Variants in CHRM2 observed in about 807,000 individuals in gnomAD.
The protein encoded by CHRM2 is muscarinic acetylcholine receptor M2.
CHRM2 carries 8 observed loss-of-function variants against 25.0 expected under a neutral mutation model. The ratio of observed to expected loss-of-function variants is 0.32; its 90% confidence interval spans 0.19 to 0.58. The LOEUF is 0.58. CHRM2 is among the 20% of genes least tolerant of loss of function. CHRM2 has a pLI of 0.88. For missense variants in CHRM2, 440 were observed against 567.1 expected (o/e 0.78, Z 2.28); for synonymous variants, 202 against 205.7 (o/e 0.98, Z 0.15).
chr7:136,905,589 C>G (rs1009004957), intron 2 of CHRM2, among the ~76,000 whole-genome samples: 1 of 151,456 alleles, frequency 6.6e-6, no homozygotes, highest in African/African-American at 2.4e-5. Context: ...TTTTAGTTTG[C>G]CTAAAAGAAT....
chr7:137,003,150 A>G (rs1804165845), intron 3 of CHRM2, among the ~76,000 whole-genome samples: 1 of 152,130 alleles, frequency 6.6e-6, no homozygotes, highest in African/African-American at 2.4e-5. Context: ...TGCATCCCCT[A>G]TACAGCATGA....
intron 3 of CHRM2, among the ~76,000 whole-genome samples, chr7:137,004,159 G>T (rs1192592813): frequency 6.6e-6 from 1 of 152,088 alleles, no homozygotes; most frequent in Non-Finnish European, 1.5e-5. Flanking sequence ...CTGTCTACTG[G>T]AAGATCTTCC....
chr7:136,991,460 T>C (rs1803223417), intron 2 of CHRM2, among the ~76,000 whole-genome samples: 1 of 152,134 alleles, frequency 6.6e-6, no homozygotes, highest in Non-Finnish European at 1.5e-5. Context: ...TGGGTCTATT[T>C]CTGAGCTCTC....
intron 2 of CHRM2, among the ~76,000 whole-genome samples, chr7:136,881,264 A>T (rs1163633376): frequency 6.6e-6 from 1 of 151,094 alleles, no homozygotes; most frequent in Non-Finnish European, 1.5e-5. Flanking sequence ...CTTAGTAACA[A>T]CTTTTTTCAC....
chr7:136,971,730 T>G (rs1206188560), intron 2 of CHRM2, among the ~76,000 whole-genome samples: 1 of 151,714 alleles, frequency 6.6e-6, no homozygotes, highest in Non-Finnish European at 1.5e-5. Context: ...AGATGATAGA[T>G]TTACTTAAAA....
chr7:136,929,523 C>T (rs1798938699), intron 2 of CHRM2, among the ~76,000 whole-genome samples: 1 of 152,056 alleles, frequency 6.6e-6, no homozygotes, highest in Admixed American at 6.5e-5. Flanking sequence ...TCCTTTTCAC[C>T]TCTCCTTCTT....
chr7:136,905,350 CATT>C (rs1201321635), intron 2 of CHRM2, among the ~76,000 whole-genome samples: 1 of 151,614 alleles, frequency 6.6e-6, no homozygotes, highest in African/African-American at 2.4e-5. Flanking sequence ...TTCCCATATT[CATT>C]ATATTATTCA....
intron 2 of CHRM2, among the ~76,000 whole-genome samples, chr7:136,977,337 T>C (rs978261756): frequency 5.3e-5 from 8 of 152,228 alleles, no homozygotes; most frequent in Non-Finnish European, 8.8e-5. Context: ...CTTAGGATTT[T>C]ATGTCCTTTG....
At chr7:136,894,896 A>C (rs576865329) in intron 2 of CHRM2, among the ~76,000 whole-genome samples, 1 of 152,186 alleles carries the variant, frequency 6.6e-6, no homozygotes, top group African/African-American at 2.4e-5. Flanking sequence ...AAATTAACAA[A>C]CCGAGGCTAT....
chr7:137,005,652 A>G (rs1003313265), intron 3 of CHRM2, among the ~76,000 whole-genome samples: 3 of 151,998 alleles, frequency 2.0e-5, no homozygotes, highest in Admixed American at 6.6e-5. Context: ...TCAGCTTCCA[A>G]TGGGCACATA....
chr7:136,893,227 A>C (rs1041901347), intron 2 of CHRM2, among the ~76,000 whole-genome samples: 1 of 151,936 alleles, frequency 6.6e-6, no homozygotes, highest in African/African-American at 2.4e-5. Context: ...TGGCCGTGGT[A>C]CCCAAATTTT....
intron 2 of CHRM2, among the ~76,000 whole-genome samples, chr7:136,964,671 G>A (rs529338046): frequency 6.6e-6 from 1 of 152,244 alleles, no homozygotes; most frequent in South Asian, 2.1e-4. Flanking sequence ...TATGTAGTCT[G>A]CCTATGTAGT....
intron 2 of CHRM2, among the ~76,000 whole-genome samples, chr7:136,952,973 TA>T (rs1181570008): frequency 2.0e-5 from 3 of 152,200 alleles, no homozygotes; most frequent in African/African-American, 7.2e-5. Flanking sequence ...TTATTCAGTC[TA>T]TCATTATGGG....
chr7:136,951,104 C>A (rs554345909), intron 2 of CHRM2: 2 of 152,346 alleles, frequency 1.3e-5, no homozygotes, highest in East Asian at 3.9e-4. Context: ...ACATGGCCTC[C>A]ATTCCCTGAG....
At chr7:136,872,854 A>G (rs574832684) in intron 2 of CHRM2, among the ~76,000 whole-genome samples, 4 of 152,362 alleles carry the variant, frequency 2.6e-5, no homozygotes, top group Non-Finnish European at 5.9e-5. Context: ...ATCGTGCTGG[A>G]TTCAACCTCC....
chr7:136,925,531 T>C (rs1312070083), intron 2 of CHRM2, among the ~76,000 whole-genome samples: 1 of 144,614 alleles, frequency 6.9e-6, no homozygotes, highest in African/African-American at 2.4e-5. Context: ...AATGTAAAAC[T>C]ATAAACAGCT....
In CHRM2 at chr7:137,015,268, C is replaced by A. The variant is rs748172206; in HGVS notation, c.403C>A (p.Arg135=). The change falls in exon 4 of 4, where the codon CGG becomes AGG. Residue 135 remains arginine (R), a synonymous_variant. Transcript: ENST00000680005. This position sits in a 1 kb window ranked among gnomAD's most constrained non-coding sequence, Gnocchi z 5.1. ...AAAACCTCTGACCTACCCAGTCAAG[C>A]GGACCACAAAAATGGCAGGTATGAT... The part of the protein sequence containing the change: ...VTKPLTYPVK[R]TTKMAGMMIA... 5 of 1,613,306 alleles carry A rather than the reference C, an allele frequency of 3.1e-6. No homozygotes were observed. The highest frequency in any genetic ancestry group is 4.2e-6 in the Non-Finnish European group (5 of 1,179,624).
rs532142235 is a variant in CHRM2 at position 136,983,086 on chromosome 7, C to T, written c.-124-9101C>T. On this transcript the variant is annotated intron_variant, in intron 2 of 3. Coordinates refer to ENST00000680005, the MANE Select transcript of CHRM2 (RefSeq NM_001006630.2). Reference sequence around the variant, plus strand: ...ATCACTTTTAGGTACACCAATCAAACGTAGGTTTGGTCTTTTCACATAGTC... The same window carrying T: ...ATCACTTTTAGGTACACCAATCAAATGTAGGTTTGGTCTTTTCACATAGTC... Among the ~76,000 whole-genome samples the T allele has an allele frequency of 8.0e-4, 122 of 152,262 alleles. 1 individual carries two copies. The Middle Eastern group carries it at 0.01, about 13-fold the overall frequency.
intron 2 of CHRM2, among the ~76,000 whole-genome samples, chr7:136,935,146 A>G (rs1490027797): frequency 4.6e-5 from 7 of 152,146 alleles, no homozygotes; most frequent in Non-Finnish European, 8.8e-5. Context: ...GAAATTGCAG[A>G]TTTTTGCTCT....
Sources: gnomAD v4.1 joint callset for allele counts (sites outside exome capture counted in the v4.1 genomes callset) on GRCh38, gnomAD v4.1.1 for gene constraint, Gnocchi (gnomAD v3.1) non-coding constraint, MANE v1.5 for transcripts, NCBI Gene and HGNC (gene_info 2026-07-23, HGNC 2026-07-21) for gene names.